Variants in NFIA observed in about 807,000 individuals in gnomAD.
NFIA encodes the protein nuclear factor I A.
In NFIA, 8 loss-of-function variants were observed where a neutral mutation model predicts 62.8. The observed-to-expected ratio is 0.13, with a 90% CI of 0.07 to 0.23. The LOEUF is 0.23. Ranked by LOEUF, NFIA falls within the 10% of genes least tolerant of loss-of-function variation. The pLI is 1.00. For synonymous variants in NFIA, 235 were observed against 238.1 expected (o/e 0.99, Z 0.12); for missense variants, 410 against 642.1 (o/e 0.64, Z 3.91).
chr1:61,256,199 G>A (rs1317463301), intron 2 of NFIA, among the ~76,000 whole-genome samples: 1 of 152,030 alleles, frequency 6.6e-6, no homozygotes, highest in Non-Finnish European at 1.5e-5. Flanking sequence ...AGGCCAAGGC[G>A]GGTGGATCAT....
chr1:61,262,990 CT>C (rs2100243103), intron 2 of NFIA, among the ~76,000 whole-genome samples: 1 of 152,328 alleles, frequency 6.6e-6, no homozygotes, highest in East Asian at 1.9e-4. Flanking sequence ...CTGATTCTTA[CT>C]TATAACTTTT....
At chr1:61,244,828 G>A (rs972401335) in intron 2 of NFIA, among the ~76,000 whole-genome samples, 7 of 152,036 alleles carry the variant, frequency 4.6e-5, no homozygotes, top group Admixed American at 1.3e-4. Flanking sequence ...CGTTTTCTAC[G>A]TACACACCTA....
At chr1:61,155,162 A>G (rs539147528) in intron 2 of NFIA, among the ~76,000 whole-genome samples, 35 of 152,246 alleles carry the variant, frequency 2.3e-4, no homozygotes, top group Non-Finnish European at 4.7e-4. Flanking sequence ...GAAACAATGA[A>G]TATTCATGAT....
chr1:61,134,090 C>CG (rs1182205596), intron 2 of NFIA, among the ~76,000 whole-genome samples: 1 of 152,098 alleles, frequency 6.6e-6, no homozygotes, highest in Non-Finnish European at 1.5e-5. Context: ...GCCTGGGTGA[C>CG]GGTGCAAGAC....
intron 2 of NFIA, among the ~76,000 whole-genome samples, chr1:61,173,555 A>AT (rs1650117576): frequency 6.6e-6 from 1 of 151,750 alleles, no homozygotes; most frequent in Non-Finnish European, 1.5e-5. Flanking sequence ...TGCCCTGCTA[A>AT]TTTTTTTGTA....
intron 2 of NFIA, among the ~76,000 whole-genome samples, chr1:61,203,123 C>T (rs142165505): frequency 3.9e-5 from 6 of 152,270 alleles, no homozygotes; most frequent in East Asian, 1.9e-4. Context: ...GAGAGCTTAA[C>T]CTTTATTTTA....
At chr1:61,138,903 A>C (rs1371771921) in intron 2 of NFIA, among the ~76,000 whole-genome samples, 1 of 151,096 alleles carries the variant, frequency 6.6e-6, no homozygotes, top group African/African-American at 2.4e-5. Flanking sequence ...TTTTAAATTC[A>C]CTGGGGCTGG....
chr1:61,351,149 G>T (rs969226746), intron 4 of NFIA, among the ~76,000 whole-genome samples: 1 of 152,176 alleles, frequency 6.6e-6, no homozygotes, highest in African/African-American at 2.4e-5. Flanking sequence ...TTAAGCTGAT[G>T]ATATTTTTAA....
In NFIA at chr1:61,186,267, G is replaced by C. The variant is rs557730872; in HGVS notation, c.560-91253G>C. Among the ~76,000 whole-genome samples the C allele has an allele frequency of 6.6e-5, 10 of 151,732 alleles. No homozygotes were observed. In the East Asian group the frequency reaches 1.6e-3, roughly 24 times the overall value. On this transcript the variant is annotated intron_variant, in intron 2 of 10. Transcript: ENST00000403491. Reference sequence around the variant, plus strand: ...TTGACTAGTTGTATGAACTGCCGCAGGTGGTTCAGCCACTCAGAACCTCTG... The same window carrying C: ...TTGACTAGTTGTATGAACTGCCGCACGTGGTTCAGCCACTCAGAACCTCTG...
chr1:61,228,676 C>T (rs540655406), intron 2 of NFIA, among the ~76,000 whole-genome samples: 2 of 150,518 alleles, frequency 1.3e-5, no homozygotes, highest in South Asian at 2.1e-4. Flanking sequence ...AAATACTGGG[C>T]TTTCTGTATT....
chr1:61,369,710 A>C (rs1039447668), intron 6 of NFIA, among the ~76,000 whole-genome samples: 4 of 152,118 alleles, frequency 2.6e-5, no homozygotes, highest in Admixed American at 6.6e-5. Flanking sequence ...AGCGTTTTAT[A>C]AGTAATAGCA....
intron 3 of NFIA, among the ~76,000 whole-genome samples, chr1:61,330,436 A>ATC (rs1661233480): frequency 1.6e-5 from 1 of 63,480 alleles, no homozygotes; most frequent in Non-Finnish European, 3.4e-5. Flanking sequence ...AAATAGATAC[A>ATC]CCCCCCCCAC....
At chr1:61,385,506 C>G (rs1664635267) in intron 7 of NFIA, among the ~76,000 whole-genome samples, 1 of 152,044 alleles carries the variant, frequency 6.6e-6, no homozygotes, top group Admixed American at 6.6e-5. Context: ...TATTCTTATA[C>G]AGAAACAACA....
At position 61,333,580 on chromosome 1, in the gene NFIA, G is replaced by A. The variant is rs1032826633; in HGVS notation, c.700+994G>A. On this transcript the variant is annotated intron_variant, in intron 4 of 10. Transcript: ENST00000403491. Reference sequence around the variant, plus strand: ...CTACTGTTCATTTACTGTCTGCCAGGCACTGTCGTAGGCCTTAGTGTAAGG... The same window carrying A: ...CTACTGTTCATTTACTGTCTGCCAGACACTGTCGTAGGCCTTAGTGTAAGG... Among the ~76,000 whole-genome samples the A allele has an allele frequency of 1.3e-4, 20 of 152,330 alleles. No homozygotes were observed. In the East Asian group the frequency reaches 3.9e-3, roughly 29 times the overall value.
intron 2 of NFIA, among the ~76,000 whole-genome samples, chr1:61,219,993 C>T (rs1051706363): frequency 2.0e-5 from 3 of 150,472 alleles, no homozygotes; most frequent in African/African-American, 7.4e-5. Context: ...AAATAAATAA[C>T]GCATAATAGC....
At chr1:61,338,016 T>TAC (rs34852865) in intron 4 of NFIA, among the ~76,000 whole-genome samples, 35,864 of 151,978 alleles carry the variant, frequency 0.24, 4,419 homozygotes, top group Middle Eastern at 0.27. Context: ...AAACCGCAAA[T>TAC]ACACACAGGC....
At chr1:61,080,199 G>C (rs891184241), upstream of NFIA, among the ~76,000 whole-genome samples, 2 of 151,904 alleles carry the variant, frequency 1.3e-5, no homozygotes, top group Non-Finnish European at 2.9e-5. Context: ...GCTAACCGCA[G>C]AAAGCTGGAA....
At chr1:61,161,746 T>TAC (rs370760207) in intron 2 of NFIA, among the ~76,000 whole-genome samples, 4 of 151,954 alleles carry the variant, frequency 2.6e-5, no homozygotes, top group East Asian at 1.9e-4. Context: ...CATTTATATA[T>TAC]ACACACACAC....
At chr1:61,128,598 C>T (rs1647016585) in intron 2 of NFIA, among the ~76,000 whole-genome samples, 1 of 151,618 alleles carries the variant, frequency 6.6e-6, no homozygotes, top group East Asian at 1.9e-4. Context: ...ATCTCAAAAC[C>T]AAAAAAGATG....
Sources: allele counts gnomAD v4.1 joint callset (sites outside exome capture counted in the v4.1 genomes callset), GRCh38; gene constraint gnomAD v4.1.1; transcripts MANE v1.5; gene names NCBI Gene and HGNC (gene_info 2026-07-23, HGNC 2026-07-21).